COL6A3: variants seen among roughly 807,000 people sequenced by gnomAD.
COL6A3 encodes collagen type VI alpha 3 chain.
Under a neutral mutation model 274.1 loss-of-function variants are expected in COL6A3, and 137 were observed. The ratio of observed to expected loss-of-function variants is 0.50; its 90% CI spans 0.44 to 0.58. The LOEUF (loss-of-function observed/expected upper bound fraction) is 0.58, where lower values mean the gene tolerates loss of function less well. Among genes scored for constraint, COL6A3 ranks in the 20% least tolerant of loss-of-function variants. COL6A3 has a pLI of 0.00. For missense variants in COL6A3, 3,950 were observed against 4,124.9 expected (o/e 0.96, Z 1.16); for synonymous variants, 1,650 against 1,650.6 (o/e 1.00, Z 0.01).
chr2:237,371,975 A>G lies in COL6A3; in HGVS notation c.4042T>C (p.Ser1348Pro), dbSNP rs1271599306. 1.9e-6 allele frequency: 3 copies of G among 1,613,932 alleles called. No homozygotes were observed. The highest frequency in any genetic ancestry group is 2.5e-6 in the Non-Finnish European group (3 of 1,180,010). The change falls in exon 9 of 44, where the codon TCT becomes CCT. Residue 1348 changes from serine (S) to proline (P), a missense_variant. Physicochemically the swap from Ser to Pro is moderately conservative, Grantham distance 74 (BLOSUM62 -1). Coordinates refer to ENST00000295550, the MANE Select transcript of COL6A3 (RefSeq NM_004369.4). The surrounding 1 kb of genome is among the most constrained non-coding windows in gnomAD (Gnocchi z 4.3). ...GCCGGGTCGTCCACCTCATCGTCAGACTTTCCAGACGAGATGAGGACCAGG... is the reference window on the plus strand; with the variant it reads ...GCCGGGTCGTCCACCTCATCGTCAGGCTTTCCAGACGAGATGAGGACCAGG... ...QFLVLISSGK[S>P]DDEVDDPAVE...
rs114306849 is a variant in COL6A3 at position 237,339,072 on chromosome 2, T to A, written c.8510A>T (p.Asp2837Val). ...YLSPDIRKQC[D>V]WFQGDQPTKN... ...TGTGGGTTGGTCCCCTTGGAACCAA[T>A]CACACTGTTTCCTGATATCTGGGGA... The change falls in exon 39 of 44, where the codon GAT becomes GTT. Residue 2837 changes from aspartate (D) to valine (V), a missense_variant. Physicochemically the swap from Asp to Val is radical, Grantham distance 152. Around this residue, in one of 5 missense-constraint regions of COL6A3, gnomAD observed 1,284 missense variants for 1,349.7 expected, o/e 0.95. Coordinates refer to ENST00000295550, the MANE Select transcript of COL6A3 (RefSeq NM_004369.4). 4 of 1,614,120 alleles carry A rather than the reference T, an allele frequency of 2.5e-6. No homozygotes were observed. The East Asian group carries it at 8.9e-5, about 36-fold the overall frequency.
At position 237,344,858 on chromosome 2, in the gene COL6A3, G is replaced by C. The variant is rs745562109; in HGVS notation, c.7175-15C>G. 6 of 1,613,706 alleles carry C rather than the reference G, an allele frequency of 3.7e-6. No homozygotes were observed. The South Asian group carries it at 6.6e-5, about 18-fold the overall frequency. On this transcript the variant is annotated splice_polypyrimidine_tract_variant and intron_variant, in intron 35 of 43. Coordinates refer to ENST00000295550, the MANE Select transcript of COL6A3 (RefSeq NM_004369.4). This position sits in a 1 kb window ranked among gnomAD's most constrained non-coding sequence, Gnocchi z 4.8. ...CTCCAGGGGCCCTGTGGAAAGTAGA[G>C]GGTGGAGGGTTAAAGACAAACTGTA... is the stretch of plus-strand genomic sequence containing the variant.
At chr2:237,335,108 CA>C (rs1700469706) in intron 40 of COL6A3, among the ~76,000 whole-genome samples, 1 of 152,090 alleles carries the variant, frequency 6.6e-6, no homozygotes, top group Admixed American at 6.6e-5. Context: ...TGAAAAATCT[CA>C]TTATTCATCA....
chr2:237,351,407 G>A (rs2077203748), intron 26 of COL6A3, among the ~76,000 whole-genome samples: 1 of 152,212 alleles, frequency 6.6e-6, no homozygotes, highest in Admixed American at 6.5e-5. Context: ...TAAAACATGA[G>A]TATTACCTCT....
chr2:237,341,223 G>A (rs879503815), intron 37 of COL6A3, 73 bp from the exon 38 acceptor site: 8 of 1,415,426 alleles, frequency 5.7e-6, no homozygotes, highest in Admixed American at 1.7e-5. Context: ...AATCTGCTGG[G>A]AGACTTGGGC....
At position 237,387,671 on chromosome 2, in the gene COL6A3, A is replaced by G. The variant is rs760334534; in HGVS notation, c.1223T>C (p.Phe408Ser). Residue 408 changes from phenylalanine to serine, a missense_variant, in exon 4 of 44, where the codon TTT becomes TCT. Phe to Ser is a radical substitution (Grantham distance 155). This residue lies in a region of COL6A3 where 1,934 missense variants were observed against 1,984.3 expected (regional missense o/e 0.97). Transcript: ENST00000295550. ...LVFTVPEFRS[F>S]GDLQEKLLPY... Reference sequence around the variant, plus strand: ...CAGTAATTTCTCCTGGAGGTCCCCAAAGCTACGGAATTCCGGGACAGTAAA... The same window carrying G: ...CAGTAATTTCTCCTGGAGGTCCCCAGAGCTACGGAATTCCGGGACAGTAAA... 7 of 1,613,940 alleles carry G rather than the reference A, an allele frequency of 4.3e-6. No individual in the cohort carries two copies. Among genetic ancestry groups the G allele is most frequent in the Non-Finnish European group, 5.9e-6 (7 of 1,179,920 alleles).
chr2:237,354,845 GC>G, intron 24 of COL6A3, 53 bp downstream of exon 24: 1 of 1,502,222 alleles, frequency 6.7e-7, no homozygotes, highest in Non-Finnish European at 9.2e-7. Context: ...CCTGGGCTGG[GC>G]GGCATCTGGG....
At chr2:237,405,135 G>A (rs545749342) in intron 1 of COL6A3, among the ~76,000 whole-genome samples, 16 of 152,234 alleles carry the variant, frequency 1.1e-4, no homozygotes, top group Non-Finnish European at 1.8e-4. Context: ...AGGACAATGC[G>A]TTATCCAGGC....
rs763471298 is a variant in COL6A3 at position 237,344,697 on chromosome 2, G to A, written c.7321C>T (p.Arg2441Trp). The A allele has an allele frequency of 6.2e-7, 1 of 1,609,270 alleles. No individual in the cohort carries two copies. The highest frequency in any genetic ancestry group is 1.1e-5 in the South Asian group (1 of 90,670). The change falls in exon 36 of 44, where the codon CGG becomes TGG. Residue 2441 changes from arginine to tryptophan, a missense_variant. This residue lies in a region of COL6A3 where 1,284 missense variants were observed against 1,349.7 expected (regional missense o/e 0.95). Coordinates refer to ENST00000295550, the MANE Select transcript of COL6A3 (RefSeq NM_004369.4). The surrounding 1 kb of genome is among the most constrained non-coding windows in gnomAD (Gnocchi z 4.8). ...GTGACCACAGCCACCCGGGCCCCCC[G>A]TGGGCAGTTGCTCTCAGCAATGGTC... Reference protein sequence around the residue: ...DLTIAESNCPRGARVAVVTYN... With the variant: ...DLTIAESNCPWGARVAVVTYN...
Position 237,342,137 on chromosome 2 carries a change from C to T in COL6A3, c.7693G>A (p.Ala2565Thr). 6.2e-7 allele frequency: 1 copy of T among 1,614,242 alleles called. No homozygotes were observed. Among genetic ancestry groups the T allele is most frequent in the Non-Finnish European group, 8.5e-7 (1 of 1,180,042 alleles). The change falls in exon 37 of 44, where the codon GCG becomes ACG. Residue 2565 changes from alanine (A) to threonine (T), a missense_variant. Ala to Thr is a moderately conservative substitution (Grantham distance 58, BLOSUM62 0). Around this residue, in one of 5 missense-constraint regions of COL6A3, gnomAD observed 1,284 missense variants for 1,349.7 expected, o/e 0.95. Transcript: ENST00000295550. ...LQINNTAVGH[A>T]LVLPAGRDLT... ...TCTCTCCCTGCAGGCAGGACAAGCG[C>T]ATGCCCCACTGCTGTGTTATTGATC...
At chr2:237,396,946 CAAG>C (rs1559282565) in intron 1 of COL6A3, 99 bp from the exon 2 acceptor site, 2 of 804,540 alleles carry the variant, frequency 2.5e-6, no homozygotes, top group Admixed American at 2.1e-5. Context: ...TTTAGACTTC[CAAG>C]AAGACTTTGT....
At chr2:237,357,989 C>T (rs1004681852) in intron 21 of COL6A3, 107 bp from the exon 22 acceptor site, 39 of 1,082,604 alleles carry the variant, frequency 3.6e-5, no homozygotes, top group South Asian at 3.5e-4. Context: ...TGCAAGGCTT[C>T]GAGGGACAAG....
intron 28 of COL6A3, 96 bp downstream of exon 28, chr2:237,350,051 G>A (rs960288185): frequency 2.6e-6 from 3 of 1,145,260 alleles, no homozygotes; most frequent in Non-Finnish European, 2.6e-6. Context: ...AATACAAGAA[G>A]CAAGGCTCAT....
At position 237,364,473 on chromosome 2, in the gene COL6A3, G is replaced by C. The variant is rs1050066117; in HGVS notation, c.5839-45C>G. The C allele has an allele frequency of 4.1e-6, 6 of 1,457,142 alleles. No homozygotes were observed. The highest frequency in any genetic ancestry group is 2.8e-5 in the African/African-American group (2 of 71,858). 90.3% of individuals were successfully genotyped at this position (1,457,142 alleles called of 1,614,324 possible). A position where few individuals can be genotyped will look rare whatever the true frequency, so the allele number is the denominator to read the frequency against. ...CAAATCCCAGGAAAACTAAAAAGGA[G>C]TGTTGCAGACTGCTGATAGAAAACT... On this transcript the variant is annotated intron_variant, in intron 12 of 43. Coordinates refer to ENST00000295550, the MANE Select transcript of COL6A3 (RefSeq NM_004369.4). This position sits in a 1 kb window ranked among gnomAD's most constrained non-coding sequence, Gnocchi z 4.6.
At chr2:237,375,253 A>C (rs977364177) in intron 7 of COL6A3, among the ~76,000 whole-genome samples, 1 of 152,170 alleles carries the variant, frequency 6.6e-6, no homozygotes. Flanking sequence ...AGAGGGGGTA[A>C]GAGGGTCAGA....
rs774509747 is a variant in COL6A3, at chr2:237,368,925, G to A, written c.4538C>T (p.Pro1513Leu). Reference sequence around the variant, plus strand: ...TTCGAGAGCCTTGCCAGTGTTCAGTGGGGACCCCCCTCTGAGCCTCAGGCG... The same window carrying A: ...TTCGAGAGCCTTGCCAGTGTTCAGTAGGGACCCCCCTCTGAGCCTCAGGCG... ...IRRLRLRGGS[P>L]LNTGKALEFV... The change falls in exon 10 of 44, where the codon CCA (proline) becomes CTA (leucine). Residue 1513 changes from proline to leucine, a missense_variant. Coordinates refer to ENST00000295550, the MANE Select transcript of COL6A3 (RefSeq NM_004369.4). This position sits in a 1 kb window ranked among gnomAD's most constrained non-coding sequence, Gnocchi z 4.4. 6.2e-7 allele frequency: 1 copy of A among 1,614,166 alleles called. No individual in the cohort carries two copies. Among genetic ancestry groups the A allele is most frequent in the Non-Finnish European group, 8.5e-7 (1 of 1,180,020 alleles).
chr2:237,348,691 A>C, intron 28 of COL6A3, 28 bp from the exon 29 acceptor site: 1 of 1,611,584 alleles, frequency 6.2e-7, no homozygotes. Context: ...ATGTGACTGT[A>C]GGTCGCCATG....
Position 237,361,895 on chromosome 2 carries a change from T to C in COL6A3, c.6064-64A>G. 6.9e-7 allele frequency: 1 copy of C among 1,453,902 alleles called. No homozygotes were observed. The highest frequency in any genetic ancestry group is 1.7e-5 in the Admixed American group (1 of 59,744). The allele number at this position is 1,453,902 out of a possible 1,614,324, so 90.1% of individuals were successfully genotyped here. ...GAAATGCCCAGCAGAAAATCATAAA[T>C]GCGCTTTAAGGGTCAAAATCGGATG... On this transcript the variant is annotated intron_variant, in intron 14 of 43. Coordinates refer to ENST00000295550, the MANE Select transcript of COL6A3 (RefSeq NM_004369.4). The surrounding 1 kb of genome is among the most constrained non-coding windows in gnomAD (Gnocchi z 5.1).
intron 5 of COL6A3, 106 bp downstream of exon 5, chr2:237,380,809 A>G (rs1394230529): frequency 4.9e-5 from 51 of 1,050,258 alleles, no homozygotes; most frequent in Non-Finnish European, 6.9e-5. Context: ...TGTTTTCATC[A>G]TTTGTTGTCT....
Sources: allele counts gnomAD v4.1 joint callset (sites outside exome capture counted in the v4.1 genomes callset), GRCh38; gene constraint gnomAD v4.1.1; regional missense constraint gnomAD v4.1.1; non-coding constraint Gnocchi (gnomAD v3.1); transcripts MANE v1.5; gene names NCBI Gene and HGNC (gene_info 2026-07-23, HGNC 2026-07-21).